Variants in ACVR1 observed in about 807,000 individuals in gnomAD.
ACVR1 encodes activin A receptor type 1.
ACVR1 carries 38 observed loss-of-function variants against 57.1 expected under a neutral mutation model. That is an observed-to-expected ratio of 0.67 (90% CI 0.51 to 0.87). The LOEUF (loss-of-function observed/expected upper bound fraction) is 0.87, where lower values mean the gene tolerates loss of function less well. Among genes scored for constraint, ACVR1 ranks in the 40% least tolerant of loss-of-function variants. ACVR1 has a pLI of 0.00. For missense variants in ACVR1, 463 were observed against 638.2 expected (o/e 0.73, Z 2.96); for synonymous variants, 212 against 228.1 (o/e 0.93, Z 0.63).
At chr2:157,742,250 G>A (rs1024811877) in intron 9 of ACVR1, among the ~76,000 whole-genome samples, 4 of 152,200 alleles carry the variant, frequency 2.6e-5, no homozygotes, top group Non-Finnish European at 4.4e-5. Context: ...AGAAGTTACT[G>A]CCAAATCGTG....
At chr2:157,786,697 A>G (rs1313488014) in intron 3 of ACVR1, among the ~76,000 whole-genome samples, 2 of 152,224 alleles carry the variant, frequency 1.3e-5, no homozygotes, top group Non-Finnish European at 2.9e-5. Flanking sequence ...ACATTAATAG[A>G]ACAGCTGGGC....
intron 5 of ACVR1, among the ~76,000 whole-genome samples, chr2:157,775,092 A>G (rs1007792235): frequency 6.6e-6 from 1 of 152,230 alleles, no homozygotes; most frequent in Non-Finnish European, 1.5e-5. Context: ...GGATCATTAA[A>G]TTGGTAAGCG....
At chr2:157,766,969 G>C (rs1167025746) in intron 7 of ACVR1, among the ~76,000 whole-genome samples, 1 of 152,202 alleles carries the variant, frequency 6.6e-6, no homozygotes, top group African/African-American at 2.4e-5. Flanking sequence ...AACTCAACTG[G>C]TCTTGAAGTA....
chr2:157,756,812 A>G (rs1473719329), intron 9 of ACVR1, among the ~76,000 whole-genome samples: 1 of 151,618 alleles, frequency 6.6e-6, no homozygotes, highest in Admixed American at 6.6e-5. Flanking sequence ...GAGTACCCAG[A>G]GGAAAAGAAG....
At chr2:157,741,630 G>GA (rs371686542) in intron 9 of ACVR1, among the ~76,000 whole-genome samples, 69 of 102,960 alleles carry the variant, frequency 6.7e-4, no homozygotes, top group South Asian at 1.5e-3. Context: ...TCTCCAAAAA[G>GA]AAAAAAAAAA....
chr2:157,840,589 T>G (rs1057263911), intron 1 of ACVR1, among the ~76,000 whole-genome samples: 6 of 152,228 alleles, frequency 3.9e-5, no homozygotes, highest in African/African-American at 4.8e-5. Context: ...CTCAGAGAGA[T>G]GAGGAAGCTA....
intron 1 of ACVR1, among the ~76,000 whole-genome samples, chr2:157,862,153 A>G (rs116664807): frequency 0.025 from 3,851 of 152,278 alleles, 80 homozygotes; most frequent in Non-Finnish European, 0.038. Context: ...CTTTAGGATT[A>G]TTTCCTACCA....
intron 1 of ACVR1, among the ~76,000 whole-genome samples, chr2:157,861,496 ATT>A (rs976805680): frequency 6.6e-6 from 1 of 152,196 alleles, no homozygotes; most frequent in Non-Finnish European, 1.5e-5. Context: ...AGCACCACGC[ATT>A]TTTATACTAT....
intron 9 of ACVR1, among the ~76,000 whole-genome samples, chr2:157,755,493 A>T (rs531716681): frequency 1.5e-4 from 23 of 152,082 alleles, no homozygotes; most frequent in African/African-American, 5.5e-4. Context: ...TCAAATCAAG[A>T]ACTCAATCCC....
Position 157,820,574 on chromosome 2 carries a change from C to CT in ACVR1, c.-182-2016dup, listed in dbSNP as rs562866854. Among the ~76,000 whole-genome samples, 1,107 of 145,336 alleles carry CT rather than the reference C, an allele frequency of 7.6e-3. 7 individuals carry two copies. The highest frequency in any genetic ancestry group is 0.023 in the African/African-American group (907 of 39,970). ...TTTTTAAAAATCAGAGACTCTCTCT[C>CT]TTTTTTTTTTTTTCTCATTATAAAG... is the stretch of plus-strand genomic sequence containing the variant. On this transcript the variant is annotated intron_variant, in intron 1 of 10. Coordinates refer to ENST00000434821, the MANE Select transcript of ACVR1 (RefSeq NM_001111067.4).
chr2:157,794,063 G>A (rs1175349843), intron 3 of ACVR1, among the ~76,000 whole-genome samples: 1 of 152,190 alleles, frequency 6.6e-6, no homozygotes, highest in African/African-American at 2.4e-5. Context: ...TTAATAAAAT[G>A]TGGGTCGTCT....
intron 3 of ACVR1, among the ~76,000 whole-genome samples, chr2:157,794,883 AC>A (rs1687045470): frequency 6.6e-6 from 1 of 151,204 alleles, no homozygotes; most frequent in East Asian, 1.9e-4. Context: ...CTCAAACTCT[AC>A]CAAAAAAAAA....
Position 157,876,008 on chromosome 2 carries a change from GGCCGGGAGCTTC to G in ACVR1, c.-407_-396del, listed in dbSNP as rs962064376. On this transcript the variant is annotated 5_prime_UTR_variant, in exon 1 of 11. Transcript: ENST00000434821. ...GTGGCTGCAGCGGAGCGGTGCGTGG[GGCCGGGAGCTTC>G]CCGGCCCTGGGGCCGGCGCGGCTGG... 1.3e-5 allele frequency: 2 copies of G among 151,140 alleles called. No homozygotes were observed. Among genetic ancestry groups the G allele is most frequent in the African/African-American group, 4.9e-5 (2 of 40,982 alleles). 9.4% of individuals were successfully genotyped at this position (151,140 alleles called of 1,614,324 possible).
intron 9 of ACVR1, among the ~76,000 whole-genome samples, chr2:157,751,495 C>T (rs921215488): frequency 2.0e-5 from 3 of 152,236 alleles, no homozygotes; most frequent in Admixed American, 6.5e-5. Context: ...CCAGACTCGA[C>T]AGGTGGGAAG....
chr2:157,820,771 G>A (rs1243806400), intron 1 of ACVR1, among the ~76,000 whole-genome samples: 1 of 151,794 alleles, frequency 6.6e-6, no homozygotes, highest in African/African-American at 2.4e-5. Context: ...TCTATATGAC[G>A]AACAACCTAG....
chr2:157,749,909 C>T (rs570732482), intron 9 of ACVR1, among the ~76,000 whole-genome samples: 6 of 152,348 alleles, frequency 3.9e-5, no homozygotes, highest in South Asian at 4.1e-4. Flanking sequence ...AGGTTCATCC[C>T]GCCCAGTGCT....
At position 157,744,453 on chromosome 2, in the gene ACVR1, T is replaced by C. The variant is rs374811163; in HGVS notation, c.1265-5883A>G. 1.1e-4 allele frequency among the ~76,000 whole-genome samples: 16 copies of C among 152,378 alleles called. 1 individual carries two copies. The highest frequency in any genetic ancestry group is 7.8e-4 in the Admixed American group (12 of 15,308). The stretch of plus-strand genomic sequence containing the variant: ...CTCATTAGTTACATATTTATTTTCA[T>C]AGTTATCTTCCATTTTATGCCATGT... On this transcript the variant is annotated intron_variant, in intron 9 of 10. Transcript: ENST00000434821.
chr2:157,773,265 T>C (rs1669105925), intron 6 of ACVR1, among the ~76,000 whole-genome samples: 2 of 152,228 alleles, frequency 1.3e-5, no homozygotes, highest in South Asian at 4.1e-4. Context: ...AGGCACTTTG[T>C]ACCATCTTCC....
intron 2 of ACVR1, among the ~76,000 whole-genome samples, chr2:157,802,663 C>A (rs1574083242): frequency 6.6e-6 from 1 of 152,166 alleles, no homozygotes; most frequent in Non-Finnish European, 1.5e-5. Flanking sequence ...TCTCTAAAGG[C>A]TACCACCTTC....
Sources: allele counts gnomAD v4.1 joint callset (sites outside exome capture counted in the v4.1 genomes callset), GRCh38; gene constraint gnomAD v4.1.1; transcripts MANE v1.5; gene names NCBI Gene and HGNC (gene_info 2026-07-23, HGNC 2026-07-21).